RCC1L: variants seen among roughly 807,000 people sequenced by gnomAD.
The protein encoded by RCC1L is RCC1 like, also known as RCC1-like G exchanging factor-like protein.
RCC1L carries 46 observed loss-of-function variants against 58.6 expected under a neutral mutation model. The observed-to-expected ratio is 0.79, with a 90% CI of 0.62 to 1.00. The LOEUF (loss-of-function observed/expected upper bound fraction) is 1.00. Among genes scored for constraint, RCC1L ranks in the 50% least tolerant of loss-of-function variants. RCC1L has a pLI of 0.00. For synonymous variants in RCC1L, 281 were observed against 262.9 expected, an observed-to-expected ratio of 1.07 and a Z score of -0.67; for missense variants, 636 against 623.6, an observed-to-expected ratio of 1.02 and a Z score of -0.21.
At position 75,062,341 on chromosome 7, in the gene RCC1L, G is replaced by T. The variant is rs972360673; in HGVS notation, c.702+951C>A. 1.2e-3 allele frequency among the ~76,000 whole-genome samples: 188 copies of T among 152,114 alleles called. 3 individuals carry two copies. Among genetic ancestry groups the T allele is most frequent in the Middle Eastern group, 6.8e-3 (2 of 294 alleles). ...GAGACCAGCCTGGCCAGCACAGTGAGAATCTGTCTCTTTAAAATAATTAGC... is the reference window on the plus strand; with the variant it reads ...GAGACCAGCCTGGCCAGCACAGTGATAATCTGTCTCTTTAAAATAATTAGC... On this transcript the variant is annotated intron_variant, in intron 5 of 10. Transcript: ENST00000610322.
At chr7:75,027,772 A>C (rs1161176971) in exon 11 of RCC1L, 3 of 524,848 alleles carry the variant, frequency 5.7e-6, no homozygotes, top group Non-Finnish European at 6.8e-6. Context: ...GCTCGTGTAA[A>C]GCTTGGTTTA....
intron 3 of RCC1L, among the ~76,000 whole-genome samples, chr7:75,065,454 C>T (rs782542459): frequency 1.3e-5 from 2 of 152,116 alleles, no homozygotes; most frequent in Non-Finnish European, 2.9e-5. Flanking sequence ...ACTCGGGAAA[C>T]TGAGGCAGGA....
intron 6 of RCC1L, among the ~76,000 whole-genome samples, chr7:75,059,962 C>A (rs947155383): frequency 4.7e-4 from 72 of 151,812 alleles, no homozygotes; most frequent in Non-Finnish European, 1.6e-4. Flanking sequence ...ATGGGTTTTA[C>A]CGTGTCAGCC....
chr7:75,073,521 C>G lies in RCC1L; in HGVS notation c.217G>C (p.Gly73Arg), dbSNP rs782462998. 6.9e-7 allele frequency: 1 copy of G among 1,455,348 alleles called. No individual in the cohort carries two copies. The highest frequency in any genetic ancestry group is 1.5e-5 in the African/African-American group (1 of 67,256). 90.2% of individuals were successfully genotyped at this position (1,455,348 alleles called of 1,614,324 possible). Residue 73 changes from glycine to arginine, a missense_variant, in exon 1 of 11, where the codon GGC becomes CGC. By Grantham distance (125) the Gly-to-Arg change is moderately radical (BLOSUM62 -2). Transcript: ENST00000610322. The part of the protein sequence containing the change: ...VWGFSFSGAL[G>R]VPSFVVPSSG... ...CTGGGCACCACAAAGGAAGGCACGCCCAGCGCCCCCGAGAAGCTGAAGCCC... is the reference window on the plus strand; with the variant it reads ...CTGGGCACCACAAAGGAAGGCACGCGCAGCGCCCCCGAGAAGCTGAAGCCC...
intron 10 of RCC1L, among the ~76,000 whole-genome samples, chr7:75,044,556 A>ATG (rs1805661900): frequency 8.2e-6 from 1 of 122,634 alleles, no homozygotes; most frequent in Non-Finnish European, 1.6e-5. Flanking sequence ...CTGAGATCGC[A>ATG]CCACTGCACT....
intron 8 of RCC1L, chr7:75,056,485 C>T: frequency 1.4e-6 from 2 of 1,470,896 alleles, no homozygotes; most frequent in East Asian, 5.0e-5. Flanking sequence ...AATGTCTGGC[C>T]AGATTCTTAA....
intron 9 of RCC1L, 152 bp downstream of exon 9, chr7:75,055,749 A>G: frequency 1.1e-6 from 1 of 872,178 alleles, no homozygotes; most frequent in Non-Finnish European, 1.8e-6. Context: ...GAGGCAAACA[A>G]CTTCTGGCTT....
At position 75,033,335 on chromosome 7, in the gene RCC1L, G is replaced by A. The variant is rs1163098940; in HGVS notation, c.1318-5256C>T. The stretch of plus-strand genomic sequence containing the variant: ...GACAGAGAAGCAGGGAGGGACGGGA[G>A]AGTTAGACTTAGACAAGAAACAGCA... On this transcript the variant is annotated intron_variant, in intron 10 of 10. Coordinates refer to the RCC1L transcript ENST00000614461. Among the ~76,000 whole-genome samples the A allele has an allele frequency of 9.9e-5, 15 of 152,204 alleles. No homozygotes were observed. The East Asian group carries it at 2.7e-3, about 27-fold the overall frequency.
chr7:75,052,768 C>T lies in RCC1L; in HGVS notation c.1260G>A (p.Lys420=). Reference sequence around the variant, plus strand: ...CGATTCCCAGGCACCCTCGGATGTTCTTGCCCCATACAAACAGCTCTCCTT... The same window carrying T: ...CGATTCCCAGGCACCCTCGGATGTTTTTGCCCCATACAAACAGCTCTCCTT... The part of the protein sequence containing the change: ...TNKGELFVWG[K]NIRGCLGIGR... Residue 420 remains lysine, a synonymous_variant, in exon 10 of 11, where the codon AAG becomes AAA. Transcript: ENST00000610322. The T allele has an allele frequency of 1.9e-6, 3 of 1,613,388 alleles. No individual in the cohort carries two copies. Among genetic ancestry groups the T allele is most frequent in the East Asian group, 2.2e-5 (1 of 44,816 alleles).
downstream of RCC1L, among the ~76,000 whole-genome samples, chr7:75,039,614 C>A (rs894295400): frequency 2.0e-5 from 3 of 152,032 alleles, no homozygotes; most frequent in Non-Finnish European, 4.4e-5. Flanking sequence ...GCAAACTGTC[C>A]GAGGGAGATG....
intron 10 of RCC1L, among the ~76,000 whole-genome samples, chr7:75,048,032 C>T (rs1263030786): frequency 2.2e-4 from 33 of 149,408 alleles, no homozygotes; most frequent in African/African-American, 6.6e-4. Context: ...TTTGGGAGGC[C>T]GAGGCAGGTG....
At chr7:75,072,161 C>CATATATATATATATATATATATAT (rs1165938365) in intron 1 of RCC1L, among the ~76,000 whole-genome samples, 48 of 46,316 alleles carry the variant, frequency 1.0e-3, no homozygotes, top group South Asian at 1.8e-3. Context: ...TATACATATA[C>CATATATATATATATATATATATAT]ATATATATAT....
Position 75,052,787 on chromosome 7 carries a change from T to A in RCC1L, c.1241A>T (p.Glu414Val). The change falls in exon 10 of 11, where the codon GAG becomes GTG. Residue 414 changes from glutamate (E) to valine (V), a missense_variant. Transcript: ENST00000610322. ...SHFAALTNKG[E>V]LFVWGKNIRG... ...GATGTTCTTGCCCCATACAAACAGC[T>A]CTCCTTTGTCTGCAAAGGGAGGAAA... The A allele has an allele frequency of 6.2e-7, 1 of 1,612,610 alleles. No individual in the cohort carries two copies. The highest frequency in any genetic ancestry group is 8.5e-7 in the Non-Finnish European group (1 of 1,179,552).
intron 7 of RCC1L, 146 bp downstream of exon 7, chr7:75,058,442 G>C: frequency 9.6e-7 from 1 of 1,039,000 alleles, no homozygotes; most frequent in East Asian, 2.7e-5. Context: ...TGTTGCCCAG[G>C]CTGGTCCTGA....
intron 10 of RCC1L, among the ~76,000 whole-genome samples, chr7:75,035,331 T>G (rs1303928010): frequency 6.6e-6 from 1 of 152,114 alleles, no homozygotes; most frequent in African/African-American, 2.4e-5. Flanking sequence ...GCGCCCGGCC[T>G]GGGTCCCTAC....
chr7:75,065,337 T>C (rs1806433209), intron 3 of RCC1L, among the ~76,000 whole-genome samples: 1 of 152,076 alleles, frequency 6.6e-6, no homozygotes, highest in South Asian at 2.1e-4. Flanking sequence ...GGTGGATCAC[T>C]TGAGGTCAGG....
intron 10 of RCC1L, among the ~76,000 whole-genome samples, chr7:75,033,349 C>CT (rs1249700414): frequency 2.0e-5 from 3 of 151,938 alleles, no homozygotes; most frequent in African/African-American, 7.3e-5. Context: ...TAGACTTAGA[C>CT]AAGAAACAGC....
At chr7:75,038,400 C>A (rs1262715145), downstream of RCC1L, among the ~76,000 whole-genome samples, 1 of 151,826 alleles carries the variant, frequency 6.6e-6, no homozygotes, top group Non-Finnish European at 1.5e-5. Flanking sequence ...TCCAGGCACA[C>A]GCCACCATGC....
intron 3 of RCC1L, among the ~76,000 whole-genome samples, chr7:75,065,847 G>A (rs1417083632): frequency 2.6e-5 from 4 of 151,630 alleles, no homozygotes; most frequent in South Asian, 2.1e-4. Context: ...GTGAAACCCC[G>A]TCTCTACAAA....
Sources: gnomAD v4.1 joint callset for allele counts (sites outside exome capture counted in the v4.1 genomes callset) on GRCh38, gnomAD v4.1.1 for gene constraint, MANE v1.5 for transcripts, NCBI Gene and HGNC (gene_info 2026-07-23, HGNC 2026-07-21) for gene names.